Variants in HBS1L observed in about 807,000 individuals in gnomAD.
HBS1L encodes HBS1 like translational GTPase, also known as HBS1-like protein.
Under a neutral mutation model 88.9 loss-of-function variants are expected in HBS1L, and 55 were observed. The ratio of observed to expected loss-of-function variants is 0.62; its 90% CI spans 0.50 to 0.77. The LOEUF is 0.77. Ranked by LOEUF, HBS1L falls within the 30% of genes least tolerant of loss-of-function variation. HBS1L has a pLI of 0.00. For missense variants in HBS1L, 741 were observed against 829.3 expected, an observed-to-expected ratio of 0.89 and a Z score of 1.31; for synonymous variants, 267 against 288.5, an observed-to-expected ratio of 0.93 and a Z score of 0.76.
intron 1 of HBS1L, among the ~76,000 whole-genome samples, chr6:135,054,303 G>T (rs955270128): frequency 1.3e-5 from 2 of 152,246 alleles, no homozygotes; most frequent in Admixed American, 6.5e-5. Flanking sequence ...AGAGGAGCTA[G>T]AAGCAGGCAC....
rs1426077427 is a variant in HBS1L, at chr6:134,960,843, A to G, written c.*4436T>C. The G allele has an allele frequency of 6.6e-6, 1 of 152,170 alleles. No homozygotes were observed. The highest frequency in any genetic ancestry group is 1.5e-5 in the Non-Finnish European group (1 of 68,018). The allele number at this position is 152,170 out of a possible 1,614,324, so 9.4% of individuals were successfully genotyped here. A position where few individuals can be genotyped will look rare whatever the true frequency, so the allele number is the denominator to read the frequency against. ...ATATGAAAATTGCTTGGCACATGGT[A>G]TACACCCAACGGATCAGTTATTTTT... On this transcript the variant is annotated 3_prime_UTR_variant, in exon 18 of 18. Transcript: ENST00000367837.
intron 4 of HBS1L, among the ~76,000 whole-genome samples, chr6:135,020,792 A>C (rs1375310723): frequency 1.3e-5 from 2 of 151,984 alleles, no homozygotes; most frequent in African/African-American, 2.4e-5. Context: ...AGTTCCTATA[A>C]TAACCAGACA....
At chr6:134,994,751 A>G (rs1434609674) in intron 7 of HBS1L, among the ~76,000 whole-genome samples, 1 of 152,118 alleles carries the variant, frequency 6.6e-6, no homozygotes, top group Non-Finnish European at 1.5e-5. Flanking sequence ...ATTTTGGAGC[A>G]TTTCAAATTT....
Position 135,040,344 on chromosome 6 carries a change from C to CTTTTTTTTTT in HBS1L, c.236-587_236-578dup, listed in dbSNP as rs71006751. On this transcript the variant is annotated intron_variant, in intron 3 of 17. Transcript: ENST00000367837. ...GGAGATTAAGGGGAGGATAGGCATT[C>CTTTTTTTTTT]TTTTTTTTTTTTTTTTTTTTTTTTG... Among the ~76,000 whole-genome samples, 22 of 110,062 alleles carry CTTTTTTTTTT rather than the reference C, an allele frequency of 2.0e-4. 1 individual carries two copies. The highest frequency in any genetic ancestry group is 7.1e-4 in the African/African-American group (20 of 28,074). 72.2% of individuals were successfully genotyped at this position (110,062 alleles called of 152,430 possible). A position where few individuals can be genotyped will look rare whatever the true frequency, so the allele number is the denominator to read the frequency against.
At chr6:134,990,993 C>T (rs1775118264) in intron 8 of HBS1L, among the ~76,000 whole-genome samples, 1 of 151,856 alleles carries the variant, frequency 6.6e-6, no homozygotes. Flanking sequence ...CACTGCTACC[C>T]CAGTGCTTGC....
At chr6:135,031,523 G>A (rs1431165651) in intron 4 of HBS1L, among the ~76,000 whole-genome samples, 1 of 152,018 alleles carries the variant, frequency 6.6e-6, no homozygotes, top group Non-Finnish European at 1.5e-5. Context: ...ATGAACCAAG[G>A]ATGATACTAG....
intron 15 of HBS1L, among the ~76,000 whole-genome samples, chr6:134,972,581 GA>G (rs1272588318): frequency 6.6e-6 from 1 of 151,966 alleles, no homozygotes; most frequent in Non-Finnish European, 1.5e-5. Context: ...GGCAACAAAG[GA>G]AAAAATAAAC....
At chr6:135,011,143 G>A (rs2114834848) in intron 4 of HBS1L, among the ~76,000 whole-genome samples, 1 of 152,198 alleles carries the variant, frequency 6.6e-6, no homozygotes, top group Non-Finnish European at 1.5e-5. Flanking sequence ...ATTGATTAAT[G>A]ATATAAACGT....
At chr6:135,008,953 TTTATAAG>T (rs2114830057) in intron 4 of HBS1L, among the ~76,000 whole-genome samples, 1 of 152,224 alleles carries the variant, frequency 6.6e-6, no homozygotes, top group East Asian at 1.9e-4. Flanking sequence ...CTCTATTGTC[TTTATAAG>T]TTATCTTAGA....
intron 4 of HBS1L, among the ~76,000 whole-genome samples, chr6:135,014,508 C>A (rs144368262): frequency 6.6e-6 from 1 of 152,306 alleles, no homozygotes; most frequent in Admixed American, 6.5e-5. Context: ...AGATAAGTTT[C>A]TAGGAGACCA....
At chr6:135,045,090 C>G (rs1776868973) in intron 2 of HBS1L, among the ~76,000 whole-genome samples, 1 of 147,330 alleles carries the variant, frequency 6.8e-6, no homozygotes, top group South Asian at 2.1e-4. Flanking sequence ...AAAACTCCCC[C>G]AGGAGAAGTA....
chr6:135,036,778 G>A, intron 4 of HBS1L: 1 of 1,551,584 alleles, frequency 6.4e-7, no homozygotes, highest in Non-Finnish European at 8.7e-7. Context: ...AAAAGCTGAA[G>A]GTCTAGCAGC....
intron 2 of HBS1L, among the ~76,000 whole-genome samples, chr6:135,048,077 T>G (rs1776966644): frequency 6.6e-6 from 1 of 152,186 alleles, no homozygotes; most frequent in Non-Finnish European, 1.5e-5. Flanking sequence ...TGGATTGAAG[T>G]CACTGCAAAG....
Position 134,966,364 on chromosome 6 carries a change from C to T in HBS1L, c.2008G>A (p.Gly670Ser), listed in dbSNP as rs368124337. ...KELGRFMLRYGGSTIAAGVVT... is the reference protein window; with the variant it reads ...KELGRFMLRYSGSTIAAGVVT... ...ACACCAGCAGCTATTGTAGAACCAC[C>T]GTAACGTAGCATGAACCTCCCCAGC... Residue 670 changes from glycine (G) to serine (S), a missense_variant, in exon 17 of 18, where the codon GGT (glycine) becomes AGT (serine). By Grantham distance (56) the Gly-to-Ser change is moderately conservative. This residue lies in a region of HBS1L where 181 missense variants were observed against 212.7 expected (regional missense o/e 0.85). Transcript: ENST00000367837. The T allele has an allele frequency of 2.3e-5, 37 of 1,612,698 alleles. No homozygotes were observed. The highest frequency in any genetic ancestry group is 2.9e-5 in the Non-Finnish European group (34 of 1,179,308).
Position 135,050,504 on chromosome 6 carries a change from C to G in HBS1L, c.109+78G>C, listed in dbSNP as rs371660846. 5.2e-5 allele frequency: 44 copies of G among 841,786 alleles called. 1 individual carries two copies. Among genetic ancestry groups the G allele is most frequent in the East Asian group, 2.4e-4 (9 of 37,296 alleles). The allele number at this position is 841,786 out of a possible 1,614,324, so 52.1% of individuals were successfully genotyped here. On this transcript the variant is annotated intron_variant, in intron 2 of 17. Coordinates refer to ENST00000367837, the MANE Select transcript of HBS1L (RefSeq NM_006620.4). ...TGTTATATATTACAGTCTCACAGAA[C>G]ACTCCAGTCCTTGAACGACTAACAT...
Position 134,964,097 on chromosome 6 carries a change from A to T in HBS1L, c.*1182T>A, listed in dbSNP as rs559183258. The T allele has an allele frequency of 7.2e-5, 11 of 152,300 alleles. No homozygotes were observed. The highest frequency in any genetic ancestry group is 2.6e-4 in the African/African-American group (11 of 41,560). 9.4% of individuals were successfully genotyped at this position (152,300 alleles called of 1,614,324 possible). On this transcript the variant is annotated 3_prime_UTR_variant, in exon 18 of 18. Coordinates refer to ENST00000367837, the MANE Select transcript of HBS1L (RefSeq NM_006620.4). ...CTTTACCATACAGATGTTATTGCTT[A>T]TGTTCAAAATGTCAGGTTCACGAAA... is the stretch of plus-strand genomic sequence containing the variant.
rs199611639 is a variant in HBS1L, at chr6:134,979,250, T to G, written c.1616A>C (p.Glu539Ala). The change falls in exon 14 of 18, where the codon GAA (glutamate) becomes GCA (alanine). Residue 539 changes from glutamate to alanine, a missense_variant. Glu to Ala is a moderately radical substitution (Grantham distance 107). This residue lies in a region of HBS1L where 181 missense variants were observed against 212.7 expected (regional missense o/e 0.85). Transcript: ENST00000367837. ...GCCTGCTGCCGCCCAGTCGACAGGT[T>G]CATCATGCAGAGTGATTCCTGGAAA... ...CTVKGITLHD[E>A]PVDWAAAGDH... 5.6e-5 allele frequency: 91 copies of G among 1,611,724 alleles called. No homozygotes were observed. Among genetic ancestry groups the G allele is most frequent in the Non-Finnish European group, 7.0e-5 (82 of 1,178,424 alleles).
At chr6:135,028,599 C>T (rs559027824) in intron 4 of HBS1L, among the ~76,000 whole-genome samples, 9 of 152,228 alleles carry the variant, frequency 5.9e-5, no homozygotes, top group African/African-American at 2.2e-4. Flanking sequence ...AAAGAGCATA[C>T]ACATACACAC....
intron 4 of HBS1L, among the ~76,000 whole-genome samples, chr6:135,030,856 C>T (rs1049414193): frequency 6.0e-5 from 9 of 151,092 alleles, no homozygotes; most frequent in African/African-American, 9.7e-5. Context: ...TACTTGTAAT[C>T]CCAAAATCAC....
Sources: allele counts gnomAD v4.1 joint callset (sites outside exome capture counted in the v4.1 genomes callset), GRCh38; gene constraint gnomAD v4.1.1; regional missense constraint gnomAD v4.1.1; transcripts MANE v1.5; gene names NCBI Gene and HGNC (gene_info 2026-07-23, HGNC 2026-07-21).